The following GNAQ variants were observed in gnomAD, a reference collection of about 807,000 sequenced individuals.
GNAQ encodes the protein guanine nucleotide-binding protein G(q) subunit alpha.
A neutral mutation model predicts 43.9 loss-of-function variants in GNAQ; 8 were observed. The ratio of observed to expected loss-of-function variants is 0.18; its 90% CI spans 0.11 to 0.33. The LOEUF (loss-of-function observed/expected upper bound fraction) is 0.33, where lower values mean the gene tolerates loss of function less well. Ranked by LOEUF, GNAQ falls within the 10% of genes least tolerant of loss-of-function variation. The probability of loss-of-function intolerance (pLI) is 1.00; values close to 1 mark genes in which losing one functional copy is unlikely to be tolerated. For synonymous variants in GNAQ, 155 were observed against 170.7 expected, an observed-to-expected ratio of 0.91 and a Z score of 0.71; for missense variants, 158 against 450.8, an observed-to-expected ratio of 0.35 and a Z score of 5.88.
chr9:77,762,658 G>A (rs538503428), intron 5 of GNAQ, among the ~76,000 whole-genome samples: 1 of 151,624 alleles, frequency 6.6e-6, no homozygotes, highest in African/African-American at 2.4e-5. Context: ...AATAGAAAGC[G>A]GGGAAAGGTG....
At chr9:77,940,868 G>A (rs1412138278) in intron 1 of GNAQ, among the ~76,000 whole-genome samples, 1 of 151,748 alleles carries the variant, frequency 6.6e-6, no homozygotes, top group Admixed American at 6.6e-5. Context: ...TTGGGAGACT[G>A]AGGCAGGAGA....
chr9:77,787,475 A>G (rs951011143), intron 5 of GNAQ, among the ~76,000 whole-genome samples: 1 of 152,212 alleles, frequency 6.6e-6, no homozygotes, highest in African/African-American at 2.4e-5. Context: ...AGTGGAGAAA[A>G]GATGGATGAA....
At chr9:77,869,455 T>G (rs1328534) in intron 2 of GNAQ, among the ~76,000 whole-genome samples, 114,272 of 152,046 alleles carry the variant, frequency 0.75, 43,064 homozygotes, top group Admixed American at 0.82. Flanking sequence ...TTAAATAAAT[T>G]TAATCAGCTT....
chr9:77,788,474 C>T (rs908815378), intron 5 of GNAQ, among the ~76,000 whole-genome samples: 7 of 152,132 alleles, frequency 4.6e-5, no homozygotes, highest in African/African-American at 1.7e-4. Context: ...TGCTCAGTGA[C>T]ACATACACAT....
intron 2 of GNAQ, among the ~76,000 whole-genome samples, chr9:77,829,233 A>G (rs141913452): frequency 1.9e-3 from 282 of 152,348 alleles, no homozygotes; most frequent in Non-Finnish European, 3.0e-3. Context: ...GAAGGTTTTT[A>G]TTCTTACATG....
At chr9:77,944,649 A>C (rs959469702) in intron 1 of GNAQ, among the ~76,000 whole-genome samples, 2 of 152,208 alleles carry the variant, frequency 1.3e-5, no homozygotes, top group South Asian at 4.1e-4. Context: ...TCTGCCACTC[A>C]TTGTAACGCA....
Position 78,030,553 on chromosome 9 carries a change from C to G in GNAQ, c.136+547G>C, listed in dbSNP as rs1325655474. ...GGAATCCAGCTGCGAGTCTGCCCAC[C>G]GTTCCCCCATTCCCTCCTGACCCCA... On this transcript the variant is annotated intron_variant, in intron 1 of 6. Transcript: ENST00000286548. The G allele has an allele frequency of 8.5e-6, 4 of 471,134 alleles. 1 individual carries two copies. Among genetic ancestry groups the G allele is most frequent in the South Asian group, 6.2e-5 (4 of 64,484 alleles). 29.2% of individuals were successfully genotyped at this position (471,134 alleles called of 1,614,324 possible).
intron 2 of GNAQ, among the ~76,000 whole-genome samples, chr9:77,847,908 C>T (rs1827612924): frequency 6.6e-6 from 1 of 152,204 alleles, no homozygotes; most frequent in South Asian, 2.1e-4. Context: ...TTTCCATTTG[C>T]ACAAAGGCAC....
chr9:77,825,325 G>GT (rs140219425), intron 2 of GNAQ, among the ~76,000 whole-genome samples: 14,564 of 152,214 alleles, frequency 0.096, 909 homozygotes, highest in East Asian at 0.27. Flanking sequence ...TACCTCCACA[G>GT]TAAGACTGCT....
At chr9:77,917,126 G>C (rs1294844702) in intron 2 of GNAQ, among the ~76,000 whole-genome samples, 4 of 152,072 alleles carry the variant, frequency 2.6e-5, no homozygotes, top group Non-Finnish European at 5.9e-5. Flanking sequence ...AGAAAATAAG[G>C]CAAACAAATA....
chr9:77,734,418 A>G (rs1304662432), intron 5 of GNAQ, among the ~76,000 whole-genome samples: 2 of 152,192 alleles, frequency 1.3e-5, no homozygotes, highest in Non-Finnish European at 2.9e-5. Flanking sequence ...CATTTCCCAT[A>G]AAGTCTAAAA....
chr9:77,943,622 A>G (rs1564158998), intron 1 of GNAQ, among the ~76,000 whole-genome samples: 1 of 151,038 alleles, frequency 6.6e-6, no homozygotes, highest in Non-Finnish European at 1.5e-5. Context: ...CACAAATTGG[A>G]AAAAAAAATA....
chr9:77,761,360 G>C (rs1238493192), intron 5 of GNAQ, among the ~76,000 whole-genome samples: 1 of 138,444 alleles, frequency 7.2e-6, no homozygotes, highest in Non-Finnish European at 1.6e-5. Flanking sequence ...CGCCCCGTCC[G>C]GGAGGTGAGG....
In GNAQ at chr9:77,922,188, C is replaced by T. The variant is rs1325879160; in HGVS notation, c.294G>A (p.Lys98=). 1 of 1,613,478 alleles carries T rather than the reference C, an allele frequency of 6.2e-7. No individual in the cohort carries two copies. Among genetic ancestry groups the T allele is most frequent in the Non-Finnish European group, 8.5e-7 (1 of 1,179,604 alleles). Residue 98 remains lysine, a synonymous_variant, in exon 2 of 7, where the codon AAG becomes AAA. Coordinates refer to ENST00000286548, the MANE Select transcript of GNAQ (RefSeq NM_002072.5). Reference sequence around the variant, plus strand: ...TATTGTGCTCATACTTGTATGGGATCTTGAGTGTGTCCATGGCTCTGATCA... The same window carrying T: ...TATTGTGCTCATACTTGTATGGGATTTTGAGTGTGTCCATGGCTCTGATCA... ...QAMIRAMDTL[K]IPYKYEHNKA...
chr9:77,798,400 T>A (rs1826691944), intron 3 of GNAQ, among the ~76,000 whole-genome samples: 1 of 152,226 alleles, frequency 6.6e-6, no homozygotes, highest in African/African-American at 2.4e-5. Context: ...TTACCCAGCT[T>A]CCCCAAACAA....
At chr9:77,788,971 G>A (rs537584544) in intron 5 of GNAQ, among the ~76,000 whole-genome samples, 1 of 152,312 alleles carries the variant, frequency 6.6e-6, no homozygotes, top group Admixed American at 6.5e-5. Context: ...ACCTGAAGAA[G>A]CTAATTTGAG....
intron 2 of GNAQ, among the ~76,000 whole-genome samples, chr9:77,882,861 AAT>A (rs2118072725): frequency 6.6e-6 from 1 of 152,294 alleles, no homozygotes; most frequent in South Asian, 2.1e-4. Flanking sequence ...GATACACAGG[AAT>A]ATGTTACTGT....
At chr9:77,842,167 C>T (rs569373951) in intron 2 of GNAQ, among the ~76,000 whole-genome samples, 1 of 152,198 alleles carries the variant, frequency 6.6e-6, no homozygotes, top group Non-Finnish European at 1.5e-5. Flanking sequence ...GTCATCAGAG[C>T]TACAACTCCC....
chr9:77,742,214 T>C (rs543295928), intron 5 of GNAQ, among the ~76,000 whole-genome samples: 2 of 152,336 alleles, frequency 1.3e-5, no homozygotes, highest in South Asian at 2.1e-4. Context: ...GTAAAGTGCT[T>C]GATCAGCTTT....
Sources: allele counts gnomAD v4.1 joint callset (sites outside exome capture counted in the v4.1 genomes callset), GRCh38; gene constraint gnomAD v4.1.1; transcripts MANE v1.5; gene names NCBI Gene and HGNC (gene_info 2026-07-23, HGNC 2026-07-21).